The following TRPC6 variants were observed in gnomAD, a reference collection of about 807,000 sequenced individuals.
The protein encoded by TRPC6 is transient receptor potential cation channel subfamily C member 6, also known as short transient receptor potential channel 6.
In TRPC6, 55 loss-of-function variants were observed where a neutral mutation model predicts 90.7. The ratio of observed to expected loss-of-function variants is 0.61; its 90% confidence interval spans 0.49 to 0.76. The LOEUF is 0.76. Ranked by LOEUF, TRPC6 falls within the 30% of genes least tolerant of loss-of-function variation. TRPC6 has a pLI of 0.00. For missense variants in TRPC6, 989 were observed against 1,122.7 expected (o/e 0.88, Z 1.70); for synonymous variants, 393 against 393.0 (o/e 1.00, Z 0.00).
intron 9 of TRPC6, 42 bp downstream of exon 9, chr11:101,471,141 C>T: frequency 1.2e-6 from 2 of 1,605,848 alleles, no homozygotes; most frequent in South Asian, 2.2e-5. Context: ...ACAGTAGTCA[C>T]AAAATTTAAG....
At chr11:101,563,428 G>A (rs773043450) in intron 1 of TRPC6, among the ~76,000 whole-genome samples, 23 of 152,132 alleles carry the variant, frequency 1.5e-4, no homozygotes, top group Non-Finnish European at 3.4e-4. Flanking sequence ...GTGGGGCAGG[G>A]CTGATATGAT....
chr11:101,573,834 G>A (rs970860318), intron 1 of TRPC6, among the ~76,000 whole-genome samples: 18 of 151,660 alleles, frequency 1.2e-4, no homozygotes, highest in Non-Finnish European at 2.6e-4. Flanking sequence ...AATAACAATG[G>A]CATCCAGAGT....
At chr11:101,460,895 T>C (rs79291645) in intron 10 of TRPC6, among the ~76,000 whole-genome samples, 3,088 of 152,322 alleles carry the variant, frequency 0.02, 61 homozygotes, top group Non-Finnish European at 0.025. Context: ...TTCTTGAGAC[T>C]AATAATTCAT....
At chr11:101,575,497 T>C (rs958966093) in intron 1 of TRPC6, among the ~76,000 whole-genome samples, 2 of 152,190 alleles carry the variant, frequency 1.3e-5, no homozygotes, top group African/African-American at 4.8e-5. Flanking sequence ...TTCTTATCAG[T>C]AAAGTGAGGA....
Position 101,491,833 on chromosome 11 carries a change from A to ATTTTTTTTTTTTTTTTTTTT in TRPC6, c.946-96_946-95insAAAAAAAAAAAAAAAAAAAA, listed in dbSNP as rs200869151. The ATTTTTTTTTTTTTTTTTTTT allele has an allele frequency of 3.2e-4, 250 of 782,216 alleles. 31 individuals are homozygous for ATTTTTTTTTTTTTTTTTTTT. In the African/African-American group the frequency reaches 6.5e-3, roughly 20 times the overall value. 48.5% of individuals were successfully genotyped at this position (782,216 alleles called of 1,614,324 possible). The stretch of plus-strand genomic sequence containing the variant: ...AAGGATTTTATACTTTAAGAGAAAC[A>ATTTTTTTTTTTTTTTTTTTT]TTCTTTTTTTTTTTTTTTTTTTTTT... On this transcript the variant is annotated intron_variant, in intron 2 of 12. Transcript: ENST00000344327.
Position 101,453,063 on chromosome 11 carries a change from A to G in TRPC6, c.2688T>C (p.Tyr896=). 2 of 1,613,876 alleles carry G rather than the reference A, an allele frequency of 1.2e-6. No individual in the cohort carries two copies. Among genetic ancestry groups the G allele is most frequent in the Non-Finnish European group, 1.7e-6 (2 of 1,179,862 alleles). ...EIKQDISSLR[Y]ELLEEKSQNT... ...TCTGAGATTTTTCTTCAAGGAGTTC[A>G]TAGCGGAGACTTGAGATGTCCTGCT... Residue 896 remains tyrosine (Y), a synonymous_variant, in exon 13 of 13, where the codon TAT becomes TAC. Coordinates refer to ENST00000344327, the MANE Select transcript of TRPC6 (RefSeq NM_004621.6).
In TRPC6 at chr11:101,580,458, C is replaced by T. The variant is rs575658711; in HGVS notation, c.170+2876G>A. ...TTCTGAACACCATTTCAATTTATTA[C>T]TATTTTAACTATTAAGGCCTTATTT... On this transcript the variant is annotated intron_variant, in intron 1 of 12. Coordinates refer to ENST00000344327, the MANE Select transcript of TRPC6 (RefSeq NM_004621.6). Among the ~76,000 whole-genome samples, 6 of 152,218 alleles carry T rather than the reference C, an allele frequency of 3.9e-5. No homozygotes were observed. The South Asian group carries it at 1.2e-3, about 32-fold the overall frequency.
chr11:101,504,084 C>T lies in TRPC6; in HGVS notation c.885G>A (p.Met295Ile). ...YLSLSSEDPV[M>I]TALELSNELA... The stretch of plus-strand genomic sequence containing the variant: ...GTTCATTGCTAAGTTCTAAAGCCGT[C>T]ATGACTGGATCTTCACTAGACAATG... Residue 295 changes from methionine to isoleucine, a missense_variant, in exon 2 of 13, where the codon ATG (methionine) becomes ATA (isoleucine). Met to Ile is a conservative substitution (Grantham distance 10). This residue lies in a region of TRPC6 where 486 missense variants were observed against 591.9 expected (regional missense o/e 0.82). Coordinates refer to ENST00000344327, the MANE Select transcript of TRPC6 (RefSeq NM_004621.6). The T allele has an allele frequency of 1.2e-6, 2 of 1,614,050 alleles. No individual in the cohort carries two copies. Among genetic ancestry groups the T allele is most frequent in the Non-Finnish European group, 1.7e-6 (2 of 1,179,964 alleles).
chr11:101,563,978 T>C (rs1284348455), intron 1 of TRPC6, among the ~76,000 whole-genome samples: 1 of 152,076 alleles, frequency 6.6e-6, no homozygotes. Context: ...AACAGAATGT[T>C]ACTGCACGCA....
chr11:101,553,916 CTA>C (rs1350346860), intron 1 of TRPC6, among the ~76,000 whole-genome samples: 1 of 152,024 alleles, frequency 6.6e-6, no homozygotes, highest in East Asian at 1.9e-4. Flanking sequence ...AGTCCCTGCT[CTA>C]TACTAGATGC....
At chr11:101,512,635 G>T (rs965831579) in intron 1 of TRPC6, among the ~76,000 whole-genome samples, 1 of 152,100 alleles carries the variant, frequency 6.6e-6, no homozygotes, top group African/African-American at 2.4e-5. Flanking sequence ...AATAATTAAG[G>T]ACAAGTTGAG....
In TRPC6 at chr11:101,583,749, G is replaced by A. The variant is rs1862258821; in HGVS notation, c.-246C>T. ...CTTGACCTGAGCAGGTCAGGCCGAG[G>A]AGACCCCGCGAGGATGCGTCTGGGG... On this transcript the variant is annotated 5_prime_UTR_variant, in exon 1 of 13. Transcript: ENST00000344327. The A allele has an allele frequency of 4.9e-6, 2 of 406,808 alleles. No individual in the cohort carries two copies. Among genetic ancestry groups the A allele is most frequent in the African/African-American group, 2.1e-5 (1 of 48,376 alleles). The allele number at this position is 406,808 out of a possible 1,614,324, so 25.2% of individuals were successfully genotyped here.
intron 5 of TRPC6, among the ~76,000 whole-genome samples, chr11:101,478,947 A>G (rs1859481638): frequency 6.6e-6 from 1 of 152,168 alleles, no homozygotes; most frequent in African/African-American, 2.4e-5. Flanking sequence ...CAGGTTAACC[A>G]TGAAACTGAA....
At chr11:101,548,716 A>G (rs988557258) in intron 1 of TRPC6, among the ~76,000 whole-genome samples, 1 of 151,778 alleles carries the variant, frequency 6.6e-6, no homozygotes, top group Admixed American at 6.6e-5. Flanking sequence ...ATTATTTAAA[A>G]CTTTTAAGAA....
intron 3 of TRPC6, among the ~76,000 whole-genome samples, chr11:101,489,636 ATT>A (rs57237951): frequency 0.056 from 8,277 of 148,420 alleles, 268 homozygotes; most frequent in Middle Eastern, 0.079. Context: ...AATTTTCAAT[ATT>A]TTTTTTTTTT....
rs568573790 is a variant in TRPC6 at position 101,471,934 on chromosome 11, G to A, written c.2205+203C>T. On this transcript the variant is annotated intron_variant, in intron 8 of 12. Transcript: ENST00000344327. Reference sequence around the variant, plus strand: ...AGCATTTCTGCTTCTTATGCCTTACGTCTCTGCCCCATGACACCTTACTGA... The same window carrying A: ...AGCATTTCTGCTTCTTATGCCTTACATCTCTGCCCCATGACACCTTACTGA... Among the ~76,000 whole-genome samples, 6 of 152,160 alleles carry A rather than the reference G, an allele frequency of 3.9e-5. No homozygotes were observed. In the East Asian group the frequency reaches 9.6e-4, roughly 24 times the overall value.
At chr11:101,583,239 C>T (rs1862239068) in intron 1 of TRPC6, 95 bp downstream of exon 1, 1 of 1,486,006 alleles carries the variant, frequency 6.7e-7, no homozygotes, top group Non-Finnish European at 8.9e-7. Flanking sequence ...CACGCGGGTT[C>T]AGGACGCGCG....
intron 10 of TRPC6, among the ~76,000 whole-genome samples, chr11:101,464,991 T>C (rs1859108157): frequency 6.6e-6 from 1 of 152,218 alleles, no homozygotes; most frequent in Admixed American, 6.5e-5. Context: ...GGCCTGGTGG[T>C]GACAAAATCT....
intron 10 of TRPC6, among the ~76,000 whole-genome samples, chr11:101,457,635 C>T (rs1169198305): frequency 2.0e-5 from 3 of 152,122 alleles, no homozygotes; most frequent in Non-Finnish European, 4.4e-5. Context: ...TGCTTATAAA[C>T]ATATTGCTCT....
Sources: allele counts gnomAD v4.1 joint callset (sites outside exome capture counted in the v4.1 genomes callset), GRCh38; gene constraint gnomAD v4.1.1; regional missense constraint gnomAD v4.1.1; transcripts MANE v1.5; gene names NCBI Gene and HGNC (gene_info 2026-07-23, HGNC 2026-07-21).